The following MCTP1 variants were observed in gnomAD, a reference collection of about 807,000 sequenced individuals.
MCTP1 encodes multiple C2 and transmembrane domain-containing protein 1.
A neutral mutation model predicts 120.6 loss-of-function variants in MCTP1; 69 were observed. The observed-to-expected ratio is 0.57, with a 90% CI of 0.47 to 0.70. The LOEUF is 0.70. MCTP1 is among the 30% of genes least tolerant of loss of function. MCTP1 has a pLI of 0.00. For synonymous variants in MCTP1, 529 were observed against 493.1 expected (o/e 1.07, Z -0.96); for missense variants, 1,203 against 1,248.8 (o/e 0.96, Z 0.55).
intron 1 of MCTP1, among the ~76,000 whole-genome samples, chr5:95,135,322 AATG>A (rs1759372104): frequency 6.6e-6 from 1 of 152,250 alleles, no homozygotes; most frequent in Admixed American, 6.5e-5. Context: ...TGAGAATATT[AATG>A]ATAACTATGA....
At chr5:94,744,757 C>T (rs189940655) in intron 19 of MCTP1, among the ~76,000 whole-genome samples, 17 of 152,212 alleles carry the variant, frequency 1.1e-4, no homozygotes, top group Admixed American at 8.5e-4. Flanking sequence ...GTGATCCGCC[C>T]GTCTCGGCCT....
chr5:94,911,786 G>T (rs958913365), intron 9 of MCTP1, among the ~76,000 whole-genome samples: 1 of 151,934 alleles, frequency 6.6e-6, no homozygotes, highest in African/African-American at 2.4e-5. Flanking sequence ...TAATATTATT[G>T]TTTAATACAT....
intron 17 of MCTP1, among the ~76,000 whole-genome samples, chr5:94,803,469 T>C (rs1360877662): frequency 4.6e-5 from 7 of 152,214 alleles, no homozygotes; most frequent in African/African-American, 1.7e-4. Context: ...CTTTGGGACC[T>C]TGGGCAAGTT....
intron 2 of MCTP1, among the ~76,000 whole-genome samples, chr5:94,969,143 A>G (rs1826233274): frequency 6.6e-6 from 1 of 152,202 alleles, no homozygotes; most frequent in African/African-American, 2.4e-5. Context: ...GACGGTTTCT[A>G]TAATGTTTAC....
chr5:94,757,825 G>C (rs1770297146), intron 19 of MCTP1, among the ~76,000 whole-genome samples: 1 of 152,208 alleles, frequency 6.6e-6, no homozygotes, highest in Non-Finnish European at 1.5e-5. Context: ...GAACAAAACA[G>C]AGAGGTACCC....
chr5:95,019,965 G>T (rs1215619489), intron 1 of MCTP1, among the ~76,000 whole-genome samples: 2 of 151,980 alleles, frequency 1.3e-5, no homozygotes, highest in Non-Finnish European at 2.9e-5. Flanking sequence ...ACTTTGTTGA[G>T]GTCCAATTGT....
intron 1 of MCTP1, among the ~76,000 whole-genome samples, chr5:95,153,678 TAA>T (rs1398826674): frequency 6.6e-6 from 1 of 152,216 alleles, no homozygotes; most frequent in Admixed American, 6.5e-5. Flanking sequence ...ATACAAAGCT[TAA>T]AAGCAGTGAA....
intron 17 of MCTP1, among the ~76,000 whole-genome samples, chr5:94,807,261 A>G (rs1782539922): frequency 6.6e-6 from 1 of 152,202 alleles, no homozygotes; most frequent in Admixed American, 6.5e-5. Flanking sequence ...TACACAGGAT[A>G]TGCCTTTTGA....
intron 2 of MCTP1, among the ~76,000 whole-genome samples, chr5:94,994,851 C>T (rs1292060210): frequency 1.3e-5 from 2 of 152,116 alleles, no homozygotes; most frequent in East Asian, 3.9e-4. Flanking sequence ...AGTCTTCTGG[C>T]CTACATCTTT....
At chr5:95,245,291 C>T (rs1394577580) in intron 1 of MCTP1, among the ~76,000 whole-genome samples, 2 of 152,308 alleles carry the variant, frequency 1.3e-5, no homozygotes, top group Middle Eastern at 3.4e-3. Flanking sequence ...CACAGCTCCT[C>T]GCCAGCAAGG....
intron 1 of MCTP1, among the ~76,000 whole-genome samples, chr5:95,119,013 A>G (rs1183919392): frequency 6.6e-6 from 1 of 152,232 alleles, no homozygotes; most frequent in Admixed American, 6.5e-5. Context: ...ATTAAACTTA[A>G]TCTGCACTAC....
chr5:95,253,393 TC>T (rs1757571572), intron 1 of MCTP1, among the ~76,000 whole-genome samples: 1 of 152,068 alleles, frequency 6.6e-6, no homozygotes, highest in South Asian at 2.1e-4. Context: ...GTTTAATAAT[TC>T]CATTCAAAAC....
chr5:95,085,749 C>T (rs141137973), intron 1 of MCTP1, among the ~76,000 whole-genome samples: 128 of 152,172 alleles, frequency 8.4e-4, no homozygotes, highest in African/African-American at 3.0e-3. Flanking sequence ...CTCTTGTAAA[C>T]GATCTCCAGA....
At chr5:94,851,913 C>T (rs923331300) in intron 17 of MCTP1, among the ~76,000 whole-genome samples, 1 of 151,806 alleles carries the variant, frequency 6.6e-6, no homozygotes, top group Non-Finnish European at 1.5e-5. Flanking sequence ...CCTACTATTG[C>T]AGTCTCATGA....
rs115077665 is a variant in MCTP1, at chr5:94,915,424, T to C, written c.1351-2448A>G. Among the ~76,000 whole-genome samples, 306 of 152,320 alleles carry C rather than the reference T, an allele frequency of 2.0e-3. 1 individual carries two copies. The highest frequency in any genetic ancestry group is 2.7e-3 in the East Asian group (14 of 5,174). On this transcript the variant is annotated intron_variant, in intron 8 of 22. Coordinates refer to ENST00000515393, the MANE Select transcript of MCTP1 (RefSeq NM_024717.7). ...ACTTAAGTGGCAAGCACATGGCTAA[T>C]TCATGAAATTGTCTTTTACTTTTCT...
In MCTP1 at chr5:95,130,667, G is replaced by A. The variant is rs902865980; in HGVS notation, c.721-113183C>T. Among the ~76,000 whole-genome samples the A allele has an allele frequency of 8.5e-5, 13 of 152,222 alleles. No individual in the cohort carries two copies. The South Asian group carries it at 1.0e-3, about 12-fold the overall frequency. ...CTGAGGCCTCTCTTCTTGGCTTGTCGATGGCTGTCTTCTCCCTGTGTCCCT... is the reference window on the plus strand; with the variant it reads ...CTGAGGCCTCTCTTCTTGGCTTGTCAATGGCTGTCTTCTCCCTGTGTCCCT... On this transcript the variant is annotated intron_variant, in intron 1 of 22. Transcript: ENST00000515393.
intron 2 of MCTP1, among the ~76,000 whole-genome samples, chr5:94,973,271 C>T (rs986550989): frequency 6.6e-6 from 1 of 152,156 alleles, no homozygotes; most frequent in East Asian, 1.9e-4. Context: ...GCCTAACCAT[C>T]GTCATCTTTT....
At chr5:95,067,371 T>G (rs1045636573) in intron 1 of MCTP1, among the ~76,000 whole-genome samples, 1 of 152,202 alleles carries the variant, frequency 6.6e-6, no homozygotes, top group African/African-American at 2.4e-5. Flanking sequence ...AATGCATACA[T>G]GTATTGAAAC....
intron 1 of MCTP1, among the ~76,000 whole-genome samples, chr5:95,035,253 TA>T (rs1201486294): frequency 1.3e-5 from 2 of 151,868 alleles, no homozygotes; most frequent in African/African-American, 4.8e-5. Flanking sequence ...ATTATATATT[TA>T]AAAAAACCTG....
Sources: gnomAD v4.1 joint callset for allele counts (sites outside exome capture counted in the v4.1 genomes callset) on GRCh38, gnomAD v4.1.1 for gene constraint, MANE v1.5 for transcripts, NCBI Gene and HGNC (gene_info 2026-07-23, HGNC 2026-07-21) for gene names.